MCCC1: variants seen among roughly 807,000 people sequenced by gnomAD.
The protein encoded by MCCC1 is methylcrotonyl-CoA carboxylase subunit 1, also known as methylcrotonoyl-CoA carboxylase subunit alpha, mitochondrial.
A neutral mutation model predicts 83.8 loss-of-function variants in MCCC1; 64 were observed. That is an observed-to-expected ratio of 0.76 (90% CI 0.62 to 0.94). MCCC1 has a LOEUF of 0.94. Ranked by LOEUF, MCCC1 falls within the 40% of genes least tolerant of loss-of-function variation. MCCC1 has a pLI of 0.00. For missense variants in MCCC1, 807 were observed against 904.7 expected (o/e 0.89, Z 1.39); for synonymous variants, 322 against 315.4 (o/e 1.02, Z -0.22).
chr3:183,025,832 A>G, intron 14 of MCCC1, 28 bp from the exon 15 acceptor site: 2 of 1,579,376 alleles, frequency 1.3e-6, no homozygotes, highest in Non-Finnish European at 1.7e-6. Context: ...AAAAATGAAG[A>G]AAAATTAGAA....
rs755975564 is a variant in MCCC1, at chr3:183,045,560, G to C, written c.956-20C>G. On this transcript the variant is annotated intron_variant, in intron 9 of 18. Transcript: ENST00000265594. ...CAGTCCCTAAAAGGTAAAAAACAAT[G>C]GTCATATTCAATAGTGTATAATCAG... 6.2e-7 allele frequency: 1 copy of C among 1,612,842 alleles called. No homozygotes were observed. Among genetic ancestry groups the C allele is most frequent in the Non-Finnish European group, 8.5e-7 (1 of 1,179,222 alleles).
chr3:183,056,528 A>C (rs1715433890), intron 8 of MCCC1, among the ~76,000 whole-genome samples: 2 of 152,216 alleles, frequency 1.3e-5, no homozygotes, highest in African/African-American at 4.8e-5. Flanking sequence ...AAACGCTGCC[A>C]AACGAGAGAC....
intron 17 of MCCC1, chr3:183,017,940 C>A (rs1711817207): frequency 6.6e-6 from 1 of 151,024 alleles, no homozygotes. Flanking sequence ...CAGAGGCCTA[C>A]AGGTCAAATG....
intron 14 of MCCC1, among the ~76,000 whole-genome samples, chr3:183,032,116 T>C (rs1184235134): frequency 2.0e-5 from 3 of 152,212 alleles, no homozygotes; most frequent in South Asian, 2.1e-4. Flanking sequence ...CAAAAGGGTG[T>C]AGTGAACAGC....
chr3:183,077,985 CCTTA>C (rs1717203902), intron 4 of MCCC1, among the ~76,000 whole-genome samples: 1 of 152,084 alleles, frequency 6.6e-6, no homozygotes, highest in African/African-American at 2.4e-5. Flanking sequence ...CTGTTTTTAT[CCTTA>C]TACCAATACC....
At chr3:183,084,051 T>A (rs559084379) in intron 4 of MCCC1, among the ~76,000 whole-genome samples, 1 of 152,352 alleles carries the variant, frequency 6.6e-6, no homozygotes, top group South Asian at 2.1e-4. Flanking sequence ...TACAGTGGGT[T>A]TAGGGTAGGA....
At chr3:183,022,121 A>G (rs1347850887) in intron 16 of MCCC1, among the ~76,000 whole-genome samples, 1 of 152,144 alleles carries the variant, frequency 6.6e-6, no homozygotes, top group Non-Finnish European at 1.5e-5. Flanking sequence ...ACCACCACCC[A>G]CTGAGCAGGG....
upstream of MCCC1, among the ~76,000 whole-genome samples, chr3:183,102,256 C>T (rs1402473571): frequency 6.6e-6 from 1 of 152,036 alleles, no homozygotes; most frequent in Non-Finnish European, 1.5e-5. Flanking sequence ...GTCCCAGCTA[C>T]TCGGGAGACT....
intron 1 of MCCC1, among the ~76,000 whole-genome samples, chr3:183,111,008 T>A (rs975423756): frequency 6.6e-6 from 1 of 152,216 alleles, no homozygotes; most frequent in Non-Finnish European, 1.5e-5. Flanking sequence ...GCATCTGTTT[T>A]TGTACCAGTA....
chr3:183,022,752 G>C (rs1030755902), intron 15 of MCCC1, 198 bp from the exon 16 acceptor site: 18 of 522,012 alleles, frequency 3.4e-5, no homozygotes, highest in Non-Finnish European at 5.9e-5. Flanking sequence ...ATGACAGGAA[G>C]ATAATTAAAA....
chr3:183,107,661 G>C (rs910215357), intron 1 of MCCC1, among the ~76,000 whole-genome samples: 13 of 151,784 alleles, frequency 8.6e-5, no homozygotes, highest in African/African-American at 3.1e-4. Context: ...TCATGCCTCA[G>C]CCTCCCAAGT....
upstream of MCCC1, among the ~76,000 whole-genome samples, chr3:183,102,453 TAAGGA>T (rs1719327799): frequency 6.6e-6 from 1 of 152,106 alleles, no homozygotes; most frequent in Non-Finnish European, 1.5e-5. Context: ...TCCAGAAGTA[TAAGGA>T]TGATTCACTA....
At chr3:183,067,330 G>C (rs1409980408) in intron 7 of MCCC1, among the ~76,000 whole-genome samples, 1 of 152,148 alleles carries the variant, frequency 6.6e-6, no homozygotes, top group Admixed American at 6.5e-5. Context: ...TGGCTGGGCT[G>C]GGCTTAAATA....
At position 183,052,335 on chromosome 3, in the gene MCCC1, T is replaced by C. The variant is rs144420749; in HGVS notation, c.874-95A>G. ...TTCAGTCAGGTGCCACATAATGACG[T>C]TTCTTAGTCAACAACAGACCACATA... On this transcript the variant is annotated intron_variant, in intron 8 of 18. Transcript: ENST00000265594. 7.7e-3 allele frequency: 8,284 copies of C among 1,074,700 alleles called. 71 individuals carry two copies. The highest frequency in any genetic ancestry group is 0.037 in the Middle Eastern group (183 of 4,944). 66.6% of individuals were successfully genotyped at this position (1,074,700 alleles called of 1,614,324 possible).
intron 12 of MCCC1, among the ~76,000 whole-genome samples, chr3:183,038,098 G>C (rs547841203): frequency 6.6e-6 from 1 of 152,164 alleles, no homozygotes; most frequent in East Asian, 1.9e-4. Flanking sequence ...TCCAGGCACT[G>C]GGGACATAGT....
intron 1 of MCCC1, among the ~76,000 whole-genome samples, chr3:183,105,927 A>G (rs1719395081): frequency 6.6e-6 from 1 of 151,998 alleles, no homozygotes; most frequent in African/African-American, 2.4e-5. Context: ...GTCTCTACTA[A>G]AAAATACAAA....
At chr3:183,040,881 CA>C (rs1389125623) in intron 11 of MCCC1, among the ~76,000 whole-genome samples, 1 of 152,180 alleles carries the variant, frequency 6.6e-6, no homozygotes, top group East Asian at 1.9e-4. Flanking sequence ...AGGCTCAGAG[CA>C]CTGACTCTGG....
At chr3:183,023,757 C>T (rs992876456) in intron 15 of MCCC1, among the ~76,000 whole-genome samples, 1 of 151,984 alleles carries the variant, frequency 6.6e-6, no homozygotes, top group Non-Finnish European at 1.5e-5. Flanking sequence ...TATTCTATTC[C>T]CTGAAGTTGT....
chr3:183,089,380 A>C (rs1281993345), intron 3 of MCCC1, among the ~76,000 whole-genome samples: 1 of 152,152 alleles, frequency 6.6e-6, no homozygotes, highest in Non-Finnish European at 1.5e-5. Context: ...GGGGCTGGGC[A>C]TGGTGGCTTA....
Sources: gnomAD v4.1 joint callset for allele counts (sites outside exome capture counted in the v4.1 genomes callset) on GRCh38, gnomAD v4.1.1 for gene constraint, MANE v1.5 for transcripts, NCBI Gene and HGNC (gene_info 2026-07-23, HGNC 2026-07-21) for gene names.